The following USP24 variants were observed in gnomAD, a reference collection of about 807,000 sequenced individuals.
USP24 encodes the protein ubiquitin carboxyl-terminal hydrolase 24.
USP24 carries 97 observed loss-of-function variants against 361.6 expected under a neutral mutation model. That is an observed-to-expected ratio of 0.27 (90% CI 0.23 to 0.32). The LOEUF (loss-of-function observed/expected upper bound fraction) is 0.32, where lower values mean the gene tolerates loss of function less well. Ranked by LOEUF, USP24 falls within the 10% of genes least tolerant of loss-of-function variation. USP24 has a pLI of 1.00. For missense variants in USP24, 2,353 were observed against 3,165.6 expected (o/e 0.74, Z 6.16); for synonymous variants, 1,098 against 1,124.6 (o/e 0.98, Z 0.47).
chr1:55,126,426 GCT>G (rs1377817321), intron 32 of USP24, among the ~76,000 whole-genome samples: 3 of 152,082 alleles, frequency 2.0e-5, no homozygotes, highest in Admixed American at 1.3e-4. Flanking sequence ...TTTCTCTACA[GCT>G]CTCCTCACCA....
chr1:55,159,673 G>C lies in USP24; in HGVS notation c.1006C>G (p.Pro336Ala). 1 of 1,558,422 alleles carries C rather than the reference G, an allele frequency of 6.4e-7. No individual in the cohort carries two copies. The stretch of plus-strand genomic sequence containing the variant: ...TCCTGGATTGTAGTAAGAATGACTG[G>C]GTCTAGCATGGGCTGTAGAAATAAA... ...NSSVVQPMLDPVILTTIQDVR... is the reference protein window; with the variant it reads ...NSSVVQPMLDAVILTTIQDVR... Residue 336 changes from proline (P) to alanine (A), a missense_variant, in exon 9 of 68, where the codon CCA becomes GCA. This residue lies in a region of USP24 where 386 missense variants were observed against 560.5 expected (regional missense o/e 0.69). Transcript: ENST00000294383.
intron 7 of USP24, among the ~76,000 whole-genome samples, chr1:55,164,616 T>C (rs1383411785): frequency 6.6e-6 from 1 of 152,024 alleles, no homozygotes; most frequent in East Asian, 1.9e-4. Context: ...CTAAACAATA[T>C]AATTCTGTGT....
intron 26 of USP24, among the ~76,000 whole-genome samples, chr1:55,138,172 C>CT: frequency 6.6e-6 from 1 of 152,296 alleles, no homozygotes; most frequent in African/African-American, 2.4e-5. Context: ...CCCTTTCTCA[C>CT]TGTGCTCCCC....
chr1:55,077,240 T>C lies in USP24; in HGVS notation c.7375A>G (p.Ile2459Val), dbSNP rs1645047915. The C allele has an allele frequency of 1.9e-6, 3 of 1,549,000 alleles. No homozygotes were observed. The highest frequency in any genetic ancestry group is 2.6e-6 in the Non-Finnish European group (3 of 1,140,220). ...LKNTFQLLHEILVIEDPIQVE... is the reference protein window; with the variant it reads ...LKNTFQLLHEVLVIEDPIQVE... Reference sequence around the variant, plus strand: ...TCAGAACAGTTATGACTTACCAATATTTCATGAAGTAGTTGGAACGTATTC... The same window carrying C: ...TCAGAACAGTTATGACTTACCAATACTTCATGAAGTAGTTGGAACGTATTC... Residue 2459 changes from isoleucine to valine, a missense_variant, in exon 62 of 68, where the codon ATA becomes GTA. Physicochemically the swap from Ile to Val is conservative, Grantham distance 29 (BLOSUM62 3). This residue lies in a region of USP24 where 598 missense variants were observed against 761.9 expected (regional missense o/e 0.78). Transcript: ENST00000294383.
At chr1:55,079,808 T>G in intron 59 of USP24, 149 bp from the exon 60 acceptor site, 1 of 784,528 alleles carries the variant, frequency 1.3e-6, no homozygotes, top group Non-Finnish European at 1.8e-6. Flanking sequence ...ACTCACACAC[T>G]GAGTACTCGC....
chr1:55,082,360 C>T (rs1055977931), intron 58 of USP24, among the ~76,000 whole-genome samples: 10 of 152,146 alleles, frequency 6.6e-5, no homozygotes, highest in East Asian at 1.9e-4. Flanking sequence ...AGTGACCAGT[C>T]GTATCAAGTA....
At chr1:55,197,353 T>C (rs1385847979) in intron 1 of USP24, among the ~76,000 whole-genome samples, 1 of 152,240 alleles carries the variant, frequency 6.6e-6, no homozygotes, top group African/African-American at 2.4e-5. Flanking sequence ...CTGTCTCCCC[T>C]CATTAGGATA....
intron 39 of USP24, among the ~76,000 whole-genome samples, chr1:55,107,841 CAAAAAAAAAAAAA>C (rs777328294): frequency 2.1e-4 from 8 of 38,262 alleles, no homozygotes; most frequent in Admixed American, 2.1e-3. Flanking sequence ...GACTCTGTCT[CAAAAAAAAAAAAA>C]AAAAAAAAAA....
chr1:55,093,927 T>C lies in USP24; in HGVS notation c.6354+10A>G, dbSNP rs751856264. 1.9e-6 allele frequency: 3 copies of C among 1,613,144 alleles called. No homozygotes were observed. The highest frequency in any genetic ancestry group is 1.3e-5 in the African/African-American group (1 of 74,796). The stretch of plus-strand genomic sequence containing the variant: ...ATATTCCCCCTTAGAATTTTTTATA[T>C]GGTTCTTACCTGGTATATTCGAGCA... On this transcript the variant is annotated intron_variant, in intron 52 of 67. Transcript: ENST00000294383.
In USP24 at chr1:55,192,811, T is replaced by C. The variant is rs184356377; in HGVS notation, c.325-14679A>G. 5.3e-3 allele frequency among the ~76,000 whole-genome samples: 809 copies of C among 152,354 alleles called. 6 individuals carry two copies. Among genetic ancestry groups the C allele is most frequent in the Non-Finnish European group, 8.7e-3 (589 of 68,040 alleles). Reference sequence around the variant, plus strand: ...AGTAAGTGTATGCAGTCCCCATGTATGAATACATTGTGTCTGAAGTCTGCA... The same window carrying C: ...AGTAAGTGTATGCAGTCCCCATGTACGAATACATTGTGTCTGAAGTCTGCA... On this transcript the variant is annotated intron_variant, in intron 1 of 67. Transcript: ENST00000294383.
Position 55,157,065 on chromosome 1 carries a change from C to T in USP24, c.1343-14G>A. 3.1e-6 allele frequency: 5 copies of T among 1,601,452 alleles called. No homozygotes were observed. Among genetic ancestry groups the T allele is most frequent in the Non-Finnish European group, 4.3e-6 (5 of 1,170,978 alleles). On this transcript the variant is annotated splice_polypyrimidine_tract_variant and intron_variant, in intron 11 of 67. Coordinates refer to ENST00000294383, the MANE Select transcript of USP24 (RefSeq NM_015306.3). ...GGTCTATGTTGCCTAATTGAAGAAA[C>T]ATGAGAGAGAAAGTCAGATATAGTG...
intron 1 of USP24, among the ~76,000 whole-genome samples, chr1:55,184,619 C>G (rs1481047246): frequency 6.6e-6 from 1 of 152,168 alleles, no homozygotes; most frequent in Non-Finnish European, 1.5e-5. Flanking sequence ...CACCCAATTA[C>G]AGTAAAATAC....
chr1:55,082,831 C>T (rs1645177692), intron 58 of USP24, among the ~76,000 whole-genome samples: 1 of 152,140 alleles, frequency 6.6e-6, no homozygotes, highest in African/African-American at 2.4e-5. Flanking sequence ...ACCCAAACAA[C>T]TTCCTTTTCA....
At chr1:55,209,565 A>C (rs570908611) in intron 1 of USP24, among the ~76,000 whole-genome samples, 15 of 152,298 alleles carry the variant, frequency 9.8e-5, no homozygotes, top group African/African-American at 3.4e-4. Context: ...CCTTGTGTTT[A>C]GATTGCCATA....
At chr1:55,076,450 T>A (rs1301370411) in intron 62 of USP24, among the ~76,000 whole-genome samples, 1 of 152,222 alleles carries the variant, frequency 6.6e-6, no homozygotes, top group Non-Finnish European at 1.5e-5. Context: ...AAATGATTAT[T>A]CTGTGCCAAG....
intron 39 of USP24, among the ~76,000 whole-genome samples, chr1:55,109,486 C>A (rs1171645747): frequency 6.6e-6 from 1 of 152,126 alleles, no homozygotes; most frequent in Non-Finnish European, 1.5e-5. Flanking sequence ...AACAACTAAC[C>A]ATACGCTGCT....
At position 55,066,504 on chromosome 1, in the gene USP24, A is replaced by G. The variant is rs922350756; in HGVS notation, c.*2541T>C. ...AGATTTTATACACAAGAGGTAGCAG[A>G]GGAAAATTCCAGTCTGCTTGTTCCA... On this transcript the variant is annotated 3_prime_UTR_variant, in exon 68 of 68. Coordinates refer to ENST00000294383, the MANE Select transcript of USP24 (RefSeq NM_015306.3). The G allele has an allele frequency of 6.6e-6, 1 of 152,234 alleles. No homozygotes were observed. The highest frequency in any genetic ancestry group is 1.5e-5 in the Non-Finnish European group (1 of 68,054). 9.4% of individuals were successfully genotyped at this position (152,234 alleles called of 1,614,324 possible).
chr1:55,097,904 C>A (rs1327834054), intron 47 of USP24, 39 bp downstream of exon 47: 2 of 1,566,272 alleles, frequency 1.3e-6, no homozygotes, highest in Non-Finnish European at 1.7e-6. Flanking sequence ...ATGCGAATAA[C>A]AAATTAATCT....
At chr1:55,115,027 A>G (rs960051748) in intron 38 of USP24, among the ~76,000 whole-genome samples, 2 of 152,188 alleles carry the variant, frequency 1.3e-5, no homozygotes, top group Non-Finnish European at 2.9e-5. Flanking sequence ...AGATTCTAAA[A>G]AGAACTTAAA....
Sources: gnomAD v4.1 joint callset for allele counts (sites outside exome capture counted in the v4.1 genomes callset) on GRCh38, gnomAD v4.1.1 for gene constraint, gnomAD v4.1.1 regional missense constraint, MANE v1.5 for transcripts, NCBI Gene and HGNC (gene_info 2026-07-23, HGNC 2026-07-21) for gene names.